TNRC6A: variants seen among roughly 807,000 people sequenced by gnomAD.
The protein encoded by TNRC6A is trinucleotide repeat-containing gene 6A protein.
In TNRC6A, 44 loss-of-function variants were observed where a neutral mutation model predicts 221.2. The ratio of observed to expected loss-of-function variants is 0.20; its 90% confidence interval spans 0.16 to 0.26. The LOEUF (loss-of-function observed/expected upper bound fraction) is 0.26. Ranked by LOEUF, TNRC6A falls within the 10% of genes least tolerant of loss-of-function variation. The pLI is 1.00. For missense variants in TNRC6A, 2,199 were observed against 2,404.4 expected, an observed-to-expected ratio of 0.91 and a Z score of 1.79; for synonymous variants, 847 against 838.5, an observed-to-expected ratio of 1.01 and a Z score of -0.18.
At chr16:24,749,200 G>C (rs1355573348) in intron 2 of TNRC6A, among the ~76,000 whole-genome samples, 1 of 152,186 alleles carries the variant, frequency 6.6e-6, no homozygotes, top group Non-Finnish European at 1.5e-5. Context: ...CAGGTAGCCG[G>C]AGTGAGTTTC....
chr16:24,737,935 T>A (rs1310089315), intron 2 of TNRC6A, among the ~76,000 whole-genome samples: 2 of 152,236 alleles, frequency 1.3e-5, no homozygotes, highest in African/African-American at 2.4e-5. Flanking sequence ...GATAATTGAC[T>A]GTATAACTGA....
At chr16:24,724,994 G>GT (rs1346338335), upstream of TNRC6A, among the ~76,000 whole-genome samples, 1 of 152,066 alleles carries the variant, frequency 6.6e-6, no homozygotes, top group African/African-American at 2.4e-5. Context: ...AGGAGGAGAA[G>GT]TTAGAGAACA....
chr16:24,687,910 GCTTCT>G, intron 2 of TNRC6A, among the ~76,000 whole-genome samples: 1 of 119,368 alleles, frequency 8.4e-6, no homozygotes, highest in African/African-American at 3.2e-5. Flanking sequence ...TCTTGGACAT[GCTTCT>G]TTTCTTTTCT....
intron 1 of TNRC6A, among the ~76,000 whole-genome samples, chr16:24,622,148 G>A (rs1900707445): frequency 6.6e-6 from 1 of 152,090 alleles, no homozygotes; most frequent in African/African-American, 2.4e-5. Context: ...GGCCAGCCAT[G>A]GTGGCTCATG....
chr16:24,820,703 C>G (rs982313728), intron 22 of TNRC6A, among the ~76,000 whole-genome samples: 1 of 152,214 alleles, frequency 6.6e-6, no homozygotes. Context: ...GCCTTGAAGA[C>G]TAGGGGGGTA....
intron 2 of TNRC6A, among the ~76,000 whole-genome samples, chr16:24,709,758 G>A (rs547477242): frequency 1.3e-4 from 20 of 148,864 alleles, no homozygotes; most frequent in African/African-American, 2.5e-4. Flanking sequence ...CCAGGAGGTC[G>A]AGACTGCAGT....
At chr16:24,765,445 C>G (rs1223791300) in intron 4 of TNRC6A, among the ~76,000 whole-genome samples, 2 of 152,144 alleles carry the variant, frequency 1.3e-5, no homozygotes, top group African/African-American at 2.4e-5. Flanking sequence ...GGTAGTTCTG[C>G]TGTTACAGTT....
intron 2 of TNRC6A, among the ~76,000 whole-genome samples, chr16:24,717,810 C>T (rs1232675111): frequency 1.9e-5 from 2 of 104,884 alleles, no homozygotes; most frequent in Non-Finnish European, 3.8e-5. Flanking sequence ...TTTGTTCTGT[C>T]ACCCAGGCTG....
At chr16:24,649,035 C>T (rs541270660) in intron 2 of TNRC6A, among the ~76,000 whole-genome samples, 1 of 151,940 alleles carries the variant, frequency 6.6e-6, no homozygotes, top group African/African-American at 2.4e-5. Flanking sequence ...AATCTCAACA[C>T]TTTGGGGGAC....
intron 2 of TNRC6A, among the ~76,000 whole-genome samples, chr16:24,648,427 C>T (rs1223760774): frequency 3.9e-5 from 6 of 151,954 alleles, no homozygotes; most frequent in Non-Finnish European, 5.9e-5. Flanking sequence ...CCCACCACCA[C>T]GCCTGGCTAA....
intron 2 of TNRC6A, among the ~76,000 whole-genome samples, chr16:24,668,005 A>G (rs2055208744): frequency 6.6e-6 from 1 of 151,838 alleles, no homozygotes; most frequent in African/African-American, 2.4e-5. Flanking sequence ...AGTCATGGCA[A>G]CAGAGCAAGA....
intron 1 of TNRC6A, among the ~76,000 whole-genome samples, chr16:24,616,738 G>A (rs1354146957): frequency 6.6e-6 from 1 of 152,170 alleles, no homozygotes; most frequent in East Asian, 1.9e-4. Context: ...TTCGAGACCA[G>A]CCTGGTCAAC....
intron 2 of TNRC6A, among the ~76,000 whole-genome samples, chr16:24,736,122 G>A (rs572606098): frequency 5.3e-5 from 8 of 152,262 alleles, no homozygotes; most frequent in South Asian, 4.1e-4. Context: ...CCGAAATTGC[G>A]CCATTGCACT....
chr16:24,669,941 C>CTTTTTTTTTTTTTTTTTTT, intron 2 of TNRC6A, among the ~76,000 whole-genome samples: 486 of 27,182 alleles, frequency 0.018, 199 homozygotes, highest in Non-Finnish European at 0.024. Flanking sequence ...GAGGCAGCTA[C>CTTTTTTTTTTTTTTTTTTT]TTTTTTTTTT....
At chr16:24,774,277 T>G (rs1414428041) in intron 4 of TNRC6A, among the ~76,000 whole-genome samples, 1 of 152,232 alleles carries the variant, frequency 6.6e-6, no homozygotes, top group Non-Finnish European at 1.5e-5. Context: ...TGTCTTATTT[T>G]GTATCTAAGA....
At chr16:24,748,370 T>C (rs2151380237) in intron 2 of TNRC6A, among the ~76,000 whole-genome samples, 1 of 152,324 alleles carries the variant, frequency 6.6e-6, no homozygotes, top group East Asian at 1.9e-4. Flanking sequence ...GCTTTCTTGC[T>C]CCTTGACTTC....
rs566148956 is a variant in TNRC6A at position 24,796,231 on chromosome 16, CAA to C, written c.3561+293_3561+294del. 3.0e-4 allele frequency: 102 copies of C among 345,716 alleles called. 1 individual carries two copies. The East Asian group carries it at 3.5e-3, about 12-fold the overall frequency. 21.4% of individuals were successfully genotyped at this position (345,716 alleles called of 1,614,324 possible). A position where few individuals can be genotyped will look rare whatever the true frequency, so the allele number is the denominator to read the frequency against. ...ATGTAGAATTTTTAGGAAGAAGTGA[CAA>C]GAGATCTGGCTCTGTAGTTGAGGCA... On this transcript the variant is annotated intron_variant, in intron 9 of 24. Transcript: ENST00000395799.
At chr16:24,752,997 T>C (rs1364221981) in intron 3 of TNRC6A, among the ~76,000 whole-genome samples, 18 of 152,248 alleles carry the variant, frequency 1.2e-4, no homozygotes, top group Admixed American at 1.2e-3. Flanking sequence ...TTTTTGTGAA[T>C]ATAATTTTAA....
intron 4 of TNRC6A, among the ~76,000 whole-genome samples, chr16:24,764,852 CT>C (rs1255034941): frequency 1.3e-5 from 2 of 152,018 alleles, no homozygotes; most frequent in Non-Finnish European, 2.9e-5. Context: ...TAATAATATG[CT>C]TTTTCCTATA....
Sources: gnomAD v4.1 joint callset for allele counts (sites outside exome capture counted in the v4.1 genomes callset) on GRCh38, gnomAD v4.1.1 for gene constraint, MANE v1.5 for transcripts, NCBI Gene and HGNC (gene_info 2026-07-23, HGNC 2026-07-21) for gene names.